The following IFI16 variants were observed in gnomAD, a reference collection of about 807,000 sequenced individuals.
The protein encoded by IFI16 is interferon gamma inducible protein 16.
A neutral mutation model predicts 68.4 loss-of-function variants in IFI16; 49 were observed. The ratio of observed to expected loss-of-function variants is 0.72; its 90% CI spans 0.57 to 0.91. The LOEUF is 0.91. IFI16 is among the 40% of genes least tolerant of loss of function. The pLI is 0.00. For synonymous variants in IFI16, 307 were observed against 315.0 expected, an observed-to-expected ratio of 0.97 and a Z score of 0.27; for missense variants, 878 against 942.9, an observed-to-expected ratio of 0.93 and a Z score of 0.90.
intron 7 of IFI16, among the ~76,000 whole-genome samples, chr1:159,043,738 A>T (rs12048372): frequency 6.6e-6 from 1 of 152,204 alleles, no homozygotes; most frequent in East Asian, 1.9e-4. Flanking sequence ...AGGGTAGGGT[A>T]GAGGAGGATT....
Position 159,011,464 on chromosome 1 carries a change from C to A in IFI16, c.-21+1303C>A, listed in dbSNP as rs150426343. On this transcript the variant is annotated intron_variant, in intron 1 of 11. Transcript: ENST00000295809. ...TGTGTATATATAATATACATTCACA[C>A]ACAAATATATGTATATATAATCATG... is the stretch of plus-strand genomic sequence containing the variant. Among the ~76,000 whole-genome samples the A allele has an allele frequency of 2.3e-3, 342 of 151,940 alleles. 2 individuals carry two copies. Among genetic ancestry groups the A allele is most frequent in the African/African-American group, 7.2e-3 (297 of 41,412 alleles).
At chr1:159,034,814 T>C (rs776582834) in intron 7 of IFI16, among the ~76,000 whole-genome samples, 9 of 152,208 alleles carry the variant, frequency 5.9e-5, no homozygotes, top group Non-Finnish European at 1.2e-4. Context: ...ATTTTCTCCT[T>C]TTATATACCA....
chr1:159,007,482 G>T (rs1652301072), upstream of IFI16, among the ~76,000 whole-genome samples: 1 of 152,196 alleles, frequency 6.6e-6, no homozygotes, highest in African/African-American at 2.4e-5. Flanking sequence ...TTGGAATAAG[G>T]TAGATCTGGT....
chr1:159,037,364 ACTCT>A (rs1272312335), intron 7 of IFI16, among the ~76,000 whole-genome samples: 2 of 152,096 alleles, frequency 1.3e-5, no homozygotes, highest in Admixed American at 1.3e-4. Flanking sequence ...CTCACCACTC[ACTCT>A]AAGATTCACC....
intron 7 of IFI16, among the ~76,000 whole-genome samples, chr1:159,038,702 G>C (rs764575303): frequency 6.6e-6 from 1 of 152,122 alleles, no homozygotes; most frequent in Non-Finnish European, 1.5e-5. Context: ...GTGACATTAG[G>C]GGAAGTCACA....
upstream of IFI16, among the ~76,000 whole-genome samples, chr1:159,008,646 C>T (rs534724587): frequency 1.4e-4 from 22 of 152,316 alleles, no homozygotes; most frequent in Non-Finnish European, 2.5e-4. Flanking sequence ...TCCTTCTCTA[C>T]CTACTGCCTT....
rs1346100762 is a variant in IFI16, at chr1:159,020,532, A to G, written c.1161+3A>G. The stretch of plus-strand genomic sequence containing the variant: ...CAGAAATGCATAGTTTTATCCAGGT[A>G]AGAATTAAATAGGCAAATATTAGTT... On this transcript the variant is annotated splice_donor_region_variant and intron_variant, in intron 6 of 11. Transcript: ENST00000295809. The G allele has an allele frequency of 1.9e-6, 3 of 1,592,588 alleles. No individual in the cohort carries two copies. The highest frequency in any genetic ancestry group is 2.6e-6 in the Non-Finnish European group (3 of 1,166,378).
chr1:159,040,068 C>A (rs1654533826), intron 7 of IFI16, among the ~76,000 whole-genome samples: 1 of 152,064 alleles, frequency 6.6e-6, no homozygotes, highest in Non-Finnish European at 1.5e-5. Flanking sequence ...AAAATGTATA[C>A]AAATAGTCAC....
chr1:159,015,123 C>T (rs557803736), intron 2 of IFI16, among the ~76,000 whole-genome samples, 178 bp downstream of exon 2: 1 of 152,262 alleles, frequency 6.6e-6, no homozygotes, highest in African/African-American at 2.4e-5. Flanking sequence ...CATTCCATTA[C>T]TGGTGTAGAT....
intron 5 of IFI16, among the ~76,000 whole-genome samples, chr1:159,020,128 GA>G (rs1436972361): frequency 6.6e-6 from 1 of 152,140 alleles, no homozygotes; most frequent in Non-Finnish European, 1.5e-5. Flanking sequence ...CATTGTTCTA[GA>G]ACTGTCATAG....
chr1:159,015,657 C>T, intron 2 of IFI16: 1 of 514,500 alleles, frequency 1.9e-6, no homozygotes, highest in South Asian at 2.2e-5. Flanking sequence ...GAGGAAAGTG[C>T]TGAGGAGCAT....
At chr1:159,009,132 T>A (rs1465175), upstream of IFI16, 1 of 152,004 alleles carries the variant, frequency 6.6e-6, no homozygotes, top group African/African-American at 2.4e-5. Context: ...GATTTTCAAG[T>A]CTTCGATGCT....
chr1:159,003,367 A>C (rs1241424489), upstream of IFI16, among the ~76,000 whole-genome samples: 5 of 152,230 alleles, frequency 3.3e-5, no homozygotes, highest in Non-Finnish European at 7.3e-5. Context: ...TGGCTATGTC[A>C]TAATATTCTG....
intron 3 of IFI16, 85 bp downstream of exon 3, chr1:159,016,072 G>C (rs748545186): frequency 2.5e-6 from 2 of 812,626 alleles, no homozygotes; most frequent in African/African-American, 1.7e-5. Flanking sequence ...CCAGCAGGCA[G>C]TTATTTCTTC....
At chr1:159,007,644 T>C (rs1458921558), upstream of IFI16, among the ~76,000 whole-genome samples, 1 of 152,078 alleles carries the variant, frequency 6.6e-6, no homozygotes, top group Admixed American at 6.6e-5. Context: ...TGGTGGGTAG[T>C]TTATGAGGGT....
At chr1:159,012,149 C>G (rs968345360) in intron 1 of IFI16, among the ~76,000 whole-genome samples, 21 of 151,900 alleles carry the variant, frequency 1.4e-4, no homozygotes, top group Non-Finnish European at 2.8e-4. Flanking sequence ...TAGATGTTTT[C>G]TTGTGGTATG....
intron 10 of IFI16, 71 bp downstream of exon 10, chr1:159,052,169 T>C: frequency 1.6e-6 from 2 of 1,272,452 alleles, no homozygotes; most frequent in South Asian, 2.8e-5. Flanking sequence ...ACTTGTCAAC[T>C]GGAGTTTGGT....
chr1:159,019,394 T>C (rs1489063001), intron 5 of IFI16, among the ~76,000 whole-genome samples: 1 of 152,080 alleles, frequency 6.6e-6, no homozygotes, highest in African/African-American at 2.4e-5. Context: ...ATTTATCTGA[T>C]CAATACTTCA....
intron 10 of IFI16, chr1:159,052,463 A>C (rs963694261): frequency 1.1e-5 from 2 of 178,486 alleles, no homozygotes; most frequent in Non-Finnish European, 2.4e-5. Context: ...TATCAATGAC[A>C]ACTTAATTTA....
Sources: gnomAD v4.1 joint callset for allele counts (sites outside exome capture counted in the v4.1 genomes callset) on GRCh38, gnomAD v4.1.1 for gene constraint, MANE v1.5 for transcripts, NCBI Gene and HGNC (gene_info 2026-07-23, HGNC 2026-07-21) for gene names.